BMPER: variants seen among roughly 807,000 people sequenced by gnomAD.
BMPER encodes BMP binding endothelial regulator.
BMPER carries 45 observed loss-of-function variants against 87.3 expected under a neutral mutation model. The ratio of observed to expected loss-of-function variants is 0.52; its 90% CI spans 0.41 to 0.66. BMPER has a LOEUF of 0.66. Among genes scored for constraint, BMPER ranks in the 30% least tolerant of loss-of-function variants. BMPER has a pLI of 0.00. For missense variants in BMPER, 784 were observed against 867.5 expected (o/e 0.90, Z 1.21); for synonymous variants, 326 against 316.2 (o/e 1.03, Z -0.33).
At position 33,915,058 on chromosome 7, in the gene BMPER, G is replaced by A. The variant is rs373872032; in HGVS notation, c.219+8155G>A. On this transcript the variant is annotated intron_variant, in intron 2 of 14. Coordinates refer to ENST00000649409, the MANE Select transcript of BMPER (RefSeq NM_001365308.1). ...CCAGTTGGCAGGAATCCAAAACTAA[G>A]ATTGCTGTAGGGATTTTGAAAATTT... Among the ~76,000 whole-genome samples the A allele has an allele frequency of 2.6e-5, 4 of 152,276 alleles. No homozygotes were observed. In the South Asian group the frequency reaches 8.3e-4, roughly 32 times the overall value.
At chr7:34,063,243 G>A (rs1788487627) in intron 11 of BMPER, among the ~76,000 whole-genome samples, 2 of 152,166 alleles carry the variant, frequency 1.3e-5, no homozygotes, top group African/African-American at 4.8e-5. Flanking sequence ...GAAGACAGCT[G>A]AAAGCAGCTT....
At chr7:33,933,124 T>C (rs1400346848) in intron 2 of BMPER, among the ~76,000 whole-genome samples, 1 of 152,170 alleles carries the variant, frequency 6.6e-6, no homozygotes, top group Admixed American at 6.5e-5. Flanking sequence ...GCGGGAGCTG[T>C]GGTTTGGCTC....
chr7:34,132,457 C>G (rs1790617787), intron 13 of BMPER, among the ~76,000 whole-genome samples: 2 of 152,278 alleles, frequency 1.3e-5, no homozygotes, highest in South Asian at 4.1e-4. Context: ...GCCCCAAAGG[C>G]CTCCGGATCG....
At chr7:33,989,084 A>G (rs1361120617) in intron 6 of BMPER, among the ~76,000 whole-genome samples, 1 of 132,790 alleles carries the variant, frequency 7.5e-6, no homozygotes, top group Admixed American at 8.0e-5. Flanking sequence ...ATACGTGTGC[A>G]TGTGTCTTTA....
At chr7:33,988,940 T>C (rs1222543828) in intron 6 of BMPER, among the ~76,000 whole-genome samples, 9 of 133,142 alleles carry the variant, frequency 6.8e-5, no homozygotes, top group African/African-American at 2.3e-4. Context: ...ACAAAGGACA[T>C]GAACTCATCA....
intron 13 of BMPER, among the ~76,000 whole-genome samples, chr7:34,139,563 G>T (rs1790809805): frequency 6.6e-6 from 1 of 152,198 alleles, no homozygotes; most frequent in African/African-American, 2.4e-5. Context: ...AAAGGAATCA[G>T]GCCTATGTAG....
intron 14 of BMPER, among the ~76,000 whole-genome samples, chr7:34,146,634 C>A (rs1791029611): frequency 6.6e-6 from 1 of 151,904 alleles, no homozygotes; most frequent in South Asian, 2.1e-4. Context: ...CATTATATTA[C>A]CCACATTTTA....
chr7:34,133,738 G>C (rs1161584072), intron 13 of BMPER, among the ~76,000 whole-genome samples: 1 of 152,178 alleles, frequency 6.6e-6, no homozygotes, highest in Non-Finnish European at 1.5e-5. Context: ...CCAGTAGATA[G>C]TGTCAGAATT....
At chr7:34,103,502 A>C (rs1359157369) in intron 13 of BMPER, among the ~76,000 whole-genome samples, 1 of 152,116 alleles carries the variant, frequency 6.6e-6, no homozygotes, top group Non-Finnish European at 1.5e-5. Flanking sequence ...TTTCTAGCTA[A>C]GTCCGAGAGA....
intron 5 of BMPER, among the ~76,000 whole-genome samples, chr7:33,971,757 G>A (rs181428178): frequency 9.9e-5 from 15 of 152,210 alleles, no homozygotes; most frequent in Admixed American, 3.3e-4. Context: ...GGAACACTCG[G>A]GTCTCAGATC....
At chr7:34,054,746 T>C (rs542486110) in intron 8 of BMPER, among the ~76,000 whole-genome samples, 2 of 152,320 alleles carry the variant, frequency 1.3e-5, no homozygotes, top group East Asian at 3.9e-4. Context: ...ATCATGCCTT[T>C]ACGTTAAGTT....
chr7:33,983,630 G>T (rs890129013), intron 6 of BMPER, among the ~76,000 whole-genome samples: 3 of 152,106 alleles, frequency 2.0e-5, no homozygotes, highest in Non-Finnish European at 4.4e-5. Context: ...TTAATGGCTT[G>T]CCTAAAGTCA....
intron 7 of BMPER, among the ~76,000 whole-genome samples, chr7:34,048,404 C>T (rs145633486): frequency 6.4e-4 from 97 of 152,178 alleles, no homozygotes; most frequent in African/African-American, 2.2e-3. Context: ...AAGAACAAAG[C>T]AGAATTGCTT....
At chr7:34,144,160 A>G (rs1349067881) in intron 14 of BMPER, among the ~76,000 whole-genome samples, 2 of 152,116 alleles carry the variant, frequency 1.3e-5, no homozygotes, top group Non-Finnish European at 1.5e-5. Flanking sequence ...GAAGGAGTGA[A>G]GGGAGTGAGG....
At chr7:34,111,573 A>G (rs1054184294) in intron 13 of BMPER, among the ~76,000 whole-genome samples, 1 of 152,230 alleles carries the variant, frequency 6.6e-6, no homozygotes, top group African/African-American at 2.4e-5. Context: ...TGGCATTCGA[A>G]TATGATAAAT....
At chr7:33,974,057 C>T (rs1305923917) in intron 5 of BMPER, among the ~76,000 whole-genome samples, 1 of 152,290 alleles carries the variant, frequency 6.6e-6, no homozygotes, top group Non-Finnish European at 1.5e-5. Context: ...GCCTCTGCCC[C>T]TTCTTGCCTT....
chr7:34,070,619 C>A (rs948470160), intron 11 of BMPER, among the ~76,000 whole-genome samples: 17 of 152,046 alleles, frequency 1.1e-4, no homozygotes, highest in Non-Finnish European at 2.4e-4. Context: ...TTTTATAAAA[C>A]ACTAGTGCTG....
intron 3 of BMPER, among the ~76,000 whole-genome samples, chr7:33,941,942 T>A (rs1269379429): frequency 6.6e-6 from 1 of 152,136 alleles, no homozygotes; most frequent in African/African-American, 2.4e-5. Flanking sequence ...TTTTGCAGTT[T>A]TTAAAGCTGC....
At chr7:34,015,201 C>G (rs1336920973) in intron 6 of BMPER, among the ~76,000 whole-genome samples, 1 of 151,946 alleles carries the variant, frequency 6.6e-6, no homozygotes, top group African/African-American at 2.4e-5. Context: ...GCCACACTAC[C>G]TGGGTTTGAA....
Sources: gnomAD v4.1 joint callset for allele counts (sites outside exome capture counted in the v4.1 genomes callset) on GRCh38, gnomAD v4.1.1 for gene constraint, MANE v1.5 for transcripts, NCBI Gene and HGNC (gene_info 2026-07-23, HGNC 2026-07-21) for gene names.